The following SLC25A37 variants were observed in gnomAD, a reference collection of about 807,000 sequenced individuals.
SLC25A37 encodes the protein mitoferrin-1.
SLC25A37 carries 17 observed loss-of-function variants against 31.0 expected under a neutral mutation model. The ratio of observed to expected loss-of-function variants is 0.55; its 90% confidence interval spans 0.38 to 0.82. The LOEUF is 0.82. SLC25A37 is among the 40% of genes least tolerant of loss of function. The probability of loss-of-function intolerance (pLI) is 0.00; values close to 1 mark genes in which losing one functional copy is unlikely to be tolerated. For missense variants in SLC25A37, 404 were observed against 465.8 expected (o/e 0.87, Z 1.22); for synonymous variants, 222 against 193.0 (o/e 1.15, Z -1.24).
intron 1 of SLC25A37, among the ~76,000 whole-genome samples, chr8:23,537,937 C>T (rs191763038): frequency 4.0e-4 from 61 of 152,228 alleles, no homozygotes; most frequent in African/African-American, 1.5e-3. Context: ...CTTTGCATGG[C>T]AGGCACACAG....
At chr8:23,540,594 G>GA (rs1241766637) in intron 1 of SLC25A37, among the ~76,000 whole-genome samples, 1 of 152,198 alleles carries the variant, frequency 6.6e-6, no homozygotes, top group Non-Finnish European at 1.5e-5. Flanking sequence ...TTCTCTCTCT[G>GA]AAACAAATTG....
In SLC25A37 at chr8:23,573,859, C is replaced by T; in HGVS notation, c.*2004C>T. 1 of 456,720 alleles carries T rather than the reference C, an allele frequency of 2.2e-6. No homozygotes were observed. The highest frequency in any genetic ancestry group is 4.4e-6 in the Non-Finnish European group (1 of 226,982). The allele number at this position is 456,720 out of a possible 1,614,324, so 28.3% of individuals were successfully genotyped here. Reference sequence around the variant, plus strand: ...CCCAAAACCAGTTGCAGCCTCAACCCACATGGGGATGTAGAAAGCCGTAAA... The same window carrying T: ...CCCAAAACCAGTTGCAGCCTCAACCTACATGGGGATGTAGAAAGCCGTAAA... On this transcript the variant is annotated 3_prime_UTR_variant, in exon 4 of 4. Coordinates refer to ENST00000519973, the MANE Select transcript of SLC25A37 (RefSeq NM_016612.4).
chr8:23,538,329 C>T (rs916443440), intron 1 of SLC25A37, among the ~76,000 whole-genome samples: 27 of 136,448 alleles, frequency 2.0e-4, no homozygotes, highest in African/African-American at 6.5e-4. Context: ...TGCAGTGAGC[C>T]GAGATCGCGC....
At chr8:23,566,384 AC>A in intron 2 of SLC25A37, 48 bp downstream of exon 2, 2 of 1,572,666 alleles carry the variant, frequency 1.3e-6, no homozygotes, top group South Asian at 2.4e-5. Context: ...CTTCTTCAAC[AC>A]GTCCCTCCCC....
intron 1 of SLC25A37, among the ~76,000 whole-genome samples, chr8:23,538,100 G>T (rs550858024): frequency 6.6e-6 from 1 of 151,998 alleles, no homozygotes; most frequent in South Asian, 2.1e-4. Context: ...CTTGCTATTG[G>T]CTGGGCGTGG....
chr8:23,564,159 G>A (rs1802588347), intron 1 of SLC25A37, among the ~76,000 whole-genome samples: 1 of 151,904 alleles, frequency 6.6e-6, no homozygotes, highest in Admixed American at 6.6e-5. Flanking sequence ...TCCTTTCTGG[G>A]CAAAATAAAA....
At chr8:23,566,034 C>G in intron 1 of SLC25A37, 74 bp from the exon 2 acceptor site, 2 of 1,487,892 alleles carry the variant, frequency 1.3e-6, no homozygotes, top group Non-Finnish European at 1.8e-6. Flanking sequence ...TCTCCTTCTC[C>G]AGGTCTTATT....
intron 1 of SLC25A37, among the ~76,000 whole-genome samples, chr8:23,548,210 GTC>G (rs1275370952): frequency 2.6e-5 from 4 of 152,026 alleles, no homozygotes; most frequent in African/African-American, 9.7e-5. Context: ...GATGGAGTCT[GTC>G]TCTGTCACCA....
At chr8:23,534,882 C>T (rs1364309317) in intron 1 of SLC25A37, among the ~76,000 whole-genome samples, 2 of 152,194 alleles carry the variant, frequency 1.3e-5, no homozygotes, top group African/African-American at 2.4e-5. Context: ...ATTGCCATCA[C>T]TTTCTCTCAT....
In SLC25A37 at chr8:23,572,437, GT is replaced by G. The variant is rs1175430772; in HGVS notation, c.*583del. On this transcript the variant is annotated 3_prime_UTR_variant, in exon 4 of 4. Coordinates refer to ENST00000519973, the MANE Select transcript of SLC25A37 (RefSeq NM_016612.4). ...TAAGAGGGTTGAATTCTTCCATCAGGTGAACGAAAAAGGCAACAAAGTAATA... is the reference window on the plus strand; with the variant it reads ...TAAGAGGGTTGAATTCTTCCATCAGGGAACGAAAAAGGCAACAAAGTAATA... 1 of 152,420 alleles carries G rather than the reference GT, an allele frequency of 6.6e-6. No homozygotes were observed. Among genetic ancestry groups the G allele is most frequent in the African/African-American group, 2.4e-5 (1 of 41,336 alleles). The allele number at this position is 152,420 out of a possible 1,614,324, so 9.4% of individuals were successfully genotyped here.
chr8:23,541,284 A>G (rs1801887427), intron 1 of SLC25A37, among the ~76,000 whole-genome samples: 2 of 152,172 alleles, frequency 1.3e-5, no homozygotes, highest in South Asian at 4.1e-4. Context: ...GGGATTTTAT[A>G]TCCTTACTCT....
chr8:23,558,864 C>T (rs918857331), intron 1 of SLC25A37, among the ~76,000 whole-genome samples: 3 of 152,168 alleles, frequency 2.0e-5, no homozygotes, highest in African/African-American at 2.4e-5. Context: ...CACGTGAGGG[C>T]TCCTCTCAGC....
At chr8:23,555,452 A>C (rs1405827157) in intron 1 of SLC25A37, among the ~76,000 whole-genome samples, 2 of 151,968 alleles carry the variant, frequency 1.3e-5, no homozygotes, top group African/African-American at 2.4e-5. Context: ...TTCCAAGGAG[A>C]AGGGGGGTTT....
chr8:23,570,397 G>C (rs946721957), intron 3 of SLC25A37, among the ~76,000 whole-genome samples: 1 of 142,304 alleles, frequency 7.0e-6, no homozygotes, highest in Non-Finnish European at 1.6e-5. Flanking sequence ...GGCATTCTTA[G>C]GTAAGCGGTG....
At position 23,566,141 on chromosome 8, in the gene SLC25A37, G is replaced by A. The variant is rs1802646775; in HGVS notation, c.244G>A (p.Ala82Thr). 1 of 1,599,642 alleles carries A rather than the reference G, an allele frequency of 6.3e-7. No individual in the cohort carries two copies. The highest frequency in any genetic ancestry group is 1.3e-5 in the African/African-American group (1 of 74,130). Residue 82 changes from alanine to threonine, a missense_variant, in exon 2 of 4, where the codon GCC becomes ACC. By Grantham distance (58) the Ala-to-Thr change is moderately conservative. Coordinates refer to ENST00000519973, the MANE Select transcript of SLC25A37 (RefSeq NM_016612.4). ...RMQSLSPDPK[A>T]QYTSIYGALK... ...GCAGAGTTTGAGTCCAGATCCCAAA[G>A]CCCAGTACACAAGTATCTACGGAGC... is the stretch of plus-strand genomic sequence containing the variant.
At chr8:23,562,437 C>T (rs1802540445) in intron 1 of SLC25A37, among the ~76,000 whole-genome samples, 1 of 152,176 alleles carries the variant, frequency 6.6e-6, no homozygotes, top group South Asian at 2.1e-4. Context: ...GACACAGTAC[C>T]CTTTCACCCC....
At position 23,564,266 on chromosome 8, in the gene SLC25A37, G is replaced by A. The variant is rs10108530; in HGVS notation, c.211-1842G>A. 6.6e-4 allele frequency among the ~76,000 whole-genome samples: 101 copies of A among 152,184 alleles called. 1 individual carries two copies. Among genetic ancestry groups the A allele is most frequent in the African/African-American group, 2.2e-3 (93 of 41,520 alleles). The stretch of plus-strand genomic sequence containing the variant: ...CTAATTCAGGTGATTGGTTTTCACC[G>A]TTCCTCCAAGCCCTGGGGTACCTGG... On this transcript the variant is annotated intron_variant, in intron 1 of 3. Coordinates refer to ENST00000519973, the MANE Select transcript of SLC25A37 (RefSeq NM_016612.4).
chr8:23,552,027 C>T (rs886894213), intron 1 of SLC25A37, among the ~76,000 whole-genome samples: 1 of 152,128 alleles, frequency 6.6e-6, no homozygotes, highest in Non-Finnish European at 1.5e-5. Context: ...CTTCTGTAGT[C>T]CGATGGGAGG....
At chr8:23,568,485 G>C (rs1802728400) in intron 3 of SLC25A37, 107 bp downstream of exon 3, 1 of 1,253,224 alleles carries the variant, frequency 8.0e-7, no homozygotes. Flanking sequence ...GCGGCTCCTA[G>C]TCTCCAGTCA....
Sources: gnomAD v4.1 joint callset for allele counts (sites outside exome capture counted in the v4.1 genomes callset) on GRCh38, gnomAD v4.1.1 for gene constraint, MANE v1.5 for transcripts, NCBI Gene and HGNC (gene_info 2026-07-23, HGNC 2026-07-21) for gene names.